Variants in DNAH9 observed in about 807,000 individuals in gnomAD.
The protein encoded by DNAH9 is DNAH9 variant protein.
In DNAH9, 345 loss-of-function variants were observed where a neutral mutation model predicts 471.6. The ratio of observed to expected loss-of-function variants is 0.73; its 90% CI spans 0.67 to 0.80. The LOEUF (loss-of-function observed/expected upper bound fraction) is 0.80, where lower values mean the gene tolerates loss of function less well. Ranked by LOEUF, DNAH9 falls within the 30% of genes least tolerant of loss-of-function variation. The probability of loss-of-function intolerance (pLI) is 0.00; values close to 1 mark genes in which losing one functional copy is unlikely to be tolerated. For synonymous variants in DNAH9, 2,093 were observed against 2,123.6 expected, an observed-to-expected ratio of 0.99 and a Z score of 0.40; for missense variants, 5,407 against 5,609.2, an observed-to-expected ratio of 0.96 and a Z score of 1.15.
chr17:11,845,577 C>T (rs1971193069), intron 49 of DNAH9, among the ~76,000 whole-genome samples: 1 of 145,622 alleles, frequency 6.9e-6, no homozygotes, highest in Admixed American at 6.8e-5. Context: ...TGAGGAATCG[C>T]CACACTGACT....
intron 67 of DNAH9, among the ~76,000 whole-genome samples, chr17:11,949,920 G>C (rs1321372777): frequency 2.6e-5 from 4 of 152,120 alleles, no homozygotes. Flanking sequence ...TAAAATTATT[G>C]TCAGAATACA....
chr17:11,915,635 T>C (rs1432283973), intron 61 of DNAH9, among the ~76,000 whole-genome samples: 2 of 152,242 alleles, frequency 1.3e-5, no homozygotes, highest in Non-Finnish European at 2.9e-5. Context: ...GGCATGGCTT[T>C]TCTGTCCAGC....
chr17:11,833,287 A>C (rs1368619805), intron 48 of DNAH9, among the ~76,000 whole-genome samples: 1 of 152,174 alleles, frequency 6.6e-6, no homozygotes, highest in Non-Finnish European at 1.5e-5. Flanking sequence ...GTTCAACTTT[A>C]ATCTGGCCAT....
chr17:11,867,100 C>T (rs535473626), intron 50 of DNAH9, among the ~76,000 whole-genome samples: 1 of 152,334 alleles, frequency 6.6e-6, no homozygotes, highest in Non-Finnish European at 1.5e-5. Flanking sequence ...CAGAAATCAC[C>T]CGTCTTCTGC....
rs1225765014 is a variant in DNAH9 at position 11,862,345 on chromosome 17, T to C, written c.9934-6789T>C. 2.4e-5 allele frequency among the ~76,000 whole-genome samples: 3 copies of C among 125,206 alleles called. No homozygotes were observed. The East Asian group carries it at 6.3e-4, about 26-fold the overall frequency. The allele number at this position is 125,206 out of a possible 152,430, so 82.1% of individuals were successfully genotyped here. Reference sequence around the variant, plus strand: ...AGATAGTTGTAGATATGCGGCGTTATTTCTGAGGGCTCTGTTCTGTTCCAT... The same window carrying C: ...AGATAGTTGTAGATATGCGGCGTTACTTCTGAGGGCTCTGTTCTGTTCCAT... On this transcript the variant is annotated intron_variant, in intron 50 of 68. Transcript: ENST00000262442.
At chr17:11,772,976 C>T (rs1448850367) in intron 38 of DNAH9, among the ~76,000 whole-genome samples, 1 of 152,160 alleles carries the variant, frequency 6.6e-6, no homozygotes, top group Non-Finnish European at 1.5e-5. Context: ...GGCTTCTTAG[C>T]CCAAGACATT....
intron 12 of DNAH9, among the ~76,000 whole-genome samples, chr17:11,647,403 A>G (rs1219820519): frequency 2.0e-5 from 3 of 152,128 alleles, no homozygotes; most frequent in African/African-American, 7.2e-5. Flanking sequence ...CTCCCAGCAC[A>G]AAGACTTTTT....
chr17:11,900,683 A>T (rs928327669), intron 59 of DNAH9, among the ~76,000 whole-genome samples: 2 of 151,988 alleles, frequency 1.3e-5, no homozygotes, highest in Non-Finnish European at 2.9e-5. Context: ...AGTATCTGGC[A>T]GGTAGTAGGA....
chr17:11,780,677 C>G (rs1239303239), intron 38 of DNAH9, among the ~76,000 whole-genome samples: 2 of 152,144 alleles, frequency 1.3e-5, no homozygotes, highest in Non-Finnish European at 2.9e-5. Flanking sequence ...TTCTTTTGAG[C>G]CTTGGTTTCC....
Position 11,664,974 on chromosome 17 carries a change from T to C in DNAH9, c.2731+6T>C. On this transcript the variant is annotated splice_donor_region_variant and intron_variant, in intron 15 of 68. Transcript: ENST00000262442. ...GTATCTTCTGGAAAATACTGGTACT[T>C]ACTGGCTTATGGATGTGGGTTATTA... 2.5e-6 allele frequency: 4 copies of C among 1,610,746 alleles called. No individual in the cohort carries two copies. The highest frequency in any genetic ancestry group is 3.4e-6 in the Non-Finnish European group (4 of 1,178,138).
At chr17:11,902,481 A>T (rs1973445898) in intron 59 of DNAH9, among the ~76,000 whole-genome samples, 1 of 152,114 alleles carries the variant, frequency 6.6e-6, no homozygotes, top group South Asian at 2.1e-4. Context: ...CTCTGCTGCT[A>T]ATAATATCCC....
Position 11,822,487 on chromosome 17 carries a change from G to T in DNAH9, c.8900G>T (p.Arg2967Met). 7 of 1,614,174 alleles carry T rather than the reference G, an allele frequency of 4.3e-6. 1 individual carries two copies. The South Asian group carries it at 7.7e-5, about 18-fold the overall frequency. The stretch of plus-strand genomic sequence containing the variant: ...GGAAACAAGCTAAGAGTCCGCAGCA[G>T]GAAGTTCCCAGCCATTGTGAACTGC... ...PVGNKLRVRS[R>M]KFPAIVNCTA... Residue 2967 changes from arginine to methionine, a missense_variant, in exon 47 of 69, where the codon AGG becomes ATG. Physicochemically the swap from Arg to Met is moderately conservative, Grantham distance 91. Coordinates refer to ENST00000262442, the MANE Select transcript of DNAH9 (RefSeq NM_001372.4).
intron 45 of DNAH9, among the ~76,000 whole-genome samples, chr17:11,819,900 TTTA>T: frequency 6.6e-6 from 1 of 152,302 alleles, no homozygotes; most frequent in East Asian, 1.9e-4. Context: ...CAATAATAGT[TTTA>T]TTACATCCTT....
At chr17:11,776,676 A>G (rs2150888502) in intron 38 of DNAH9, among the ~76,000 whole-genome samples, 1 of 152,366 alleles carries the variant, frequency 6.6e-6, no homozygotes, top group South Asian at 2.1e-4. Flanking sequence ...ACTTTAAGTC[A>G]TACATCTTAA....
intron 50 of DNAH9, among the ~76,000 whole-genome samples, chr17:11,868,648 G>C (rs560487552): frequency 6.6e-6 from 1 of 151,942 alleles, no homozygotes; most frequent in African/African-American, 2.4e-5. Context: ...TGTCCTCCCT[G>C]GCCCACGTGG....
At chr17:11,644,916 T>G (rs1247181005) in intron 11 of DNAH9, among the ~76,000 whole-genome samples, 2 of 152,170 alleles carry the variant, frequency 1.3e-5, no homozygotes, top group Non-Finnish European at 2.9e-5. Context: ...ACTTTTCCAG[T>G]GTAGTTTTGC....
chr17:11,733,859 TCAAA>T (rs776367873), intron 28 of DNAH9, among the ~76,000 whole-genome samples: 1 of 9,760 alleles, frequency 1.0e-4, no homozygotes. Context: ...AGACTCCATC[TCAAA>T]AAAAAAAAAA....
At chr17:11,793,698 G>GAAA in intron 42 of DNAH9, 34 bp downstream of exon 42, 1 of 1,122,886 alleles carries the variant, frequency 8.9e-7, no homozygotes, top group Non-Finnish European at 1.2e-6. Context: ...CTTTGTATTT[G>GAAA]AAAAAAAAAA....
At chr17:11,751,601 C>T (rs1171979190) in intron 32 of DNAH9, among the ~76,000 whole-genome samples, 2 of 151,950 alleles carry the variant, frequency 1.3e-5, no homozygotes, top group Non-Finnish European at 2.9e-5. Context: ...AATAAATGCT[C>T]TGTACCTAAA....
Sources: gnomAD v4.1 joint callset for allele counts (sites outside exome capture counted in the v4.1 genomes callset) on GRCh38, gnomAD v4.1.1 for gene constraint, MANE v1.5 for transcripts, NCBI Gene and HGNC (gene_info 2026-07-23, HGNC 2026-07-21) for gene names.